ZC3H11A: variants seen among roughly 807,000 people sequenced by gnomAD.
ZC3H11A encodes the protein zinc finger CCCH domain-containing protein 11A.
ZC3H11A carries 22 observed loss-of-function variants against 90.8 expected under a neutral mutation model. The observed-to-expected ratio is 0.24, with a 90% confidence interval of 0.17 to 0.35. ZC3H11A has a LOEUF of 0.35. Ranked by LOEUF, ZC3H11A falls within the 10% of genes least tolerant of loss-of-function variation. ZC3H11A has a pLI of 1.00. For missense variants in ZC3H11A, 701 were observed against 964.9 expected, an observed-to-expected ratio of 0.73 and a Z score of 3.62; for synonymous variants, 294 against 339.8, an observed-to-expected ratio of 0.87 and a Z score of 1.48.
chr1:203,821,201 C>T (rs568397733), intron 4 of ZC3H11A, among the ~76,000 whole-genome samples: 1 of 152,234 alleles, frequency 6.6e-6, no homozygotes, highest in Non-Finnish European at 1.5e-5. Context: ...TGCTCGCGCT[C>T]TCTTGCTGCC....
chr1:203,850,487 C>T (rs1339201237), intron 15 of ZC3H11A, 28 bp from the exon 16 acceptor site: 1 of 1,613,622 alleles, frequency 6.2e-7, no homozygotes, highest in South Asian at 1.1e-5. Flanking sequence ...ATTCTCACTG[C>T]TTATCAGATA....
At chr1:203,842,143 A>G (rs1322519828) in intron 12 of ZC3H11A, among the ~76,000 whole-genome samples, 3 of 146,878 alleles carry the variant, frequency 2.0e-5, no homozygotes, top group African/African-American at 7.7e-5. Context: ...AGGGCTCCTC[A>G]CATCCCAGAC....
chr1:203,851,385 A>C (rs1689217927), intron 17 of ZC3H11A, among the ~76,000 whole-genome samples: 1 of 152,194 alleles, frequency 6.6e-6, no homozygotes, highest in African/African-American at 2.4e-5. Context: ...ACTGGAGTGC[A>C]GTGGCACAAT....
At chr1:203,815,216 C>CTTTCTTT (rs767809337) in intron 2 of ZC3H11A, among the ~76,000 whole-genome samples, 1 of 97,154 alleles carries the variant, frequency 1.0e-5, no homozygotes, top group African/African-American at 3.9e-5. Context: ...CTTTTCTTTT[C>CTTTCTTT]TTTTTTTTTT....
rs1197195368 is a variant in ZC3H11A at position 203,819,077 on chromosome 1, AAT to A, written c.174+400_174+401del. Among the ~76,000 whole-genome samples the A allele has an allele frequency of 3.4e-3, 448 of 132,614 alleles. 3 individuals are homozygous for A. Among genetic ancestry groups the A allele is most frequent in the African/African-American group, 9.9e-3 (334 of 33,798 alleles). The allele number at this position is 132,614 out of a possible 152,430, so 87.0% of individuals were successfully genotyped here. ...AGCAACACTCCGTCTCAAAAAAAAA[AAT>A]ATATATATATACACACACACACACA... is the stretch of plus-strand genomic sequence containing the variant. On this transcript the variant is annotated intron_variant, in intron 4 of 17. Coordinates refer to ENST00000367210, the MANE Select transcript of ZC3H11A (RefSeq NM_001376342.1).
intron 4 of ZC3H11A, among the ~76,000 whole-genome samples, chr1:203,824,182 C>T (rs1316981172): frequency 6.6e-6 from 1 of 150,916 alleles, no homozygotes; most frequent in African/African-American, 2.4e-5. Flanking sequence ...GCAGGAGAAT[C>T]GCTTGAACCT....
chr1:203,849,584 A>C, intron 14 of ZC3H11A, 127 bp from the exon 15 acceptor site: 1 of 881,208 alleles, frequency 1.1e-6, no homozygotes, highest in Non-Finnish European at 1.8e-6. Flanking sequence ...ACATCAAATA[A>C]AGAGCTTTTC....
intron 10 of ZC3H11A, chr1:203,835,917 C>A: frequency 4.7e-6 from 1 of 211,854 alleles, no homozygotes. Context: ...AGACATACTT[C>A]CTTTAAGAAG....
At chr1:203,838,212 C>G in intron 11 of ZC3H11A, 148 bp downstream of exon 11, 3 of 797,086 alleles carry the variant, frequency 3.8e-6, no homozygotes, top group Admixed American at 2.9e-5. Flanking sequence ...ACATTTGATC[C>G]TTAGTCTGCT....
chr1:203,842,323 G>T (rs1028575535), intron 12 of ZC3H11A, among the ~76,000 whole-genome samples: 4 of 152,194 alleles, frequency 2.6e-5, no homozygotes, highest in African/African-American at 7.2e-5. Flanking sequence ...AGCACTGAGT[G>T]AGCGAGACTC....
At chr1:203,829,369 G>A (rs572572552) in intron 5 of ZC3H11A, 82 bp from the exon 6 acceptor site, 1 of 1,400,122 alleles carries the variant, frequency 7.1e-7, no homozygotes, top group East Asian at 2.3e-5. Flanking sequence ...ATACACTATA[G>A]TTTTCATAGG....
At chr1:203,850,823 T>C in intron 16 of ZC3H11A, 142 bp downstream of exon 16, 1 of 1,266,266 alleles carries the variant, frequency 7.9e-7, no homozygotes, top group South Asian at 1.5e-5. Context: ...ACTACTGTAT[T>C]TTATACTTAC....
chr1:203,818,740 G>C, intron 4 of ZC3H11A, 51 bp downstream of exon 4: 1 of 1,610,876 alleles, frequency 6.2e-7, no homozygotes, highest in South Asian at 1.1e-5. Context: ...GACCTGGTGG[G>C]CCAATAAAAA....
At chr1:203,817,536 T>TGA (rs1676766078) in intron 3 of ZC3H11A, among the ~76,000 whole-genome samples, 1 of 149,108 alleles carries the variant, frequency 6.7e-6, no homozygotes. Flanking sequence ...TTGACTTCTT[T>TGA]CTTCTCCCAG....
rs772606134 is a variant in ZC3H11A at position 203,829,584 on chromosome 1, C to T, written c.432C>T (p.Ser144=). The change falls in exon 6 of 18, where the codon TCC becomes TCT. Residue 144 remains serine (S), a synonymous_variant. Transcript: ENST00000367210. The stretch of plus-strand genomic sequence containing the variant: ...GGAGCGTTATGAAAGTAGAAAGTTC[C>T]GAAAATGTTCCTAGCCCCACGCATC... ...QLRSVMKVES[S]ENVPSPTHPP... is the part of the protein sequence containing the mutation. 5.6e-5 allele frequency: 90 copies of T among 1,614,070 alleles called. No homozygotes were observed. Among genetic ancestry groups the T allele is most frequent in the East Asian group, 4.0e-4 (18 of 44,882 alleles).
At chr1:203,829,972 C>T in intron 7 of ZC3H11A, 76 bp downstream of exon 7, 1 of 1,420,896 alleles carries the variant, frequency 7.0e-7, no homozygotes, top group Non-Finnish European at 9.9e-7. Flanking sequence ...AATCATTGAC[C>T]TCCCTCTTCT....
chr1:203,830,057 T>C, intron 7 of ZC3H11A, 66 bp from the exon 8 acceptor site: 1 of 1,392,396 alleles, frequency 7.2e-7, no homozygotes, highest in Middle Eastern at 1.8e-4. Context: ...ATGCCTGCTA[T>C]GTACAGATAA....
At chr1:203,806,994 T>G (rs1672632702) in intron 2 of ZC3H11A, among the ~76,000 whole-genome samples, 1 of 152,070 alleles carries the variant, frequency 6.6e-6, no homozygotes, top group Non-Finnish European at 1.5e-5. Flanking sequence ...TTTCCTAATG[T>G]TAACCCATTC....
Position 203,833,870 on chromosome 1 carries a change from G to A in ZC3H11A, c.874+17G>A, listed in dbSNP as rs1258670494. ...TTTCAGCAGGTAAGATAAGTTTTGT[G>A]TATATCTTTTCTTTTCTACTTGTTT... On this transcript the variant is annotated intron_variant, in intron 10 of 17. Transcript: ENST00000367210. 1 of 1,599,964 alleles carries A rather than the reference G, an allele frequency of 6.3e-7. No homozygotes were observed. Among genetic ancestry groups the A allele is most frequent in the African/African-American group, 1.3e-5 (1 of 74,358 alleles).
Sources: gnomAD v4.1 joint callset for allele counts (sites outside exome capture counted in the v4.1 genomes callset) on GRCh38, gnomAD v4.1.1 for gene constraint, MANE v1.5 for transcripts, NCBI Gene and HGNC (gene_info 2026-07-23, HGNC 2026-07-21) for gene names.